DKK3: variants seen among roughly 807,000 people sequenced by gnomAD.
The protein encoded by DKK3 is dickkopf Wnt signaling pathway inhibitor 3.
DKK3 carries 22 observed loss-of-function variants against 33.2 expected under a neutral mutation model. That is an observed-to-expected ratio of 0.66 (90% CI 0.47 to 0.95). The LOEUF (loss-of-function observed/expected upper bound fraction) is 0.95. Among genes scored for constraint, DKK3 ranks in the 40% least tolerant of loss-of-function variants. The probability of loss-of-function intolerance (pLI) is 0.00; values close to 1 mark genes in which losing one functional copy is unlikely to be tolerated. For missense variants in DKK3, 398 were observed against 458.4 expected (o/e 0.87, Z 1.20); for synonymous variants, 194 against 188.8 (o/e 1.03, Z -0.23).
At chr11:11,976,594 G>GGTC (rs1769985148) in intron 3 of DKK3, among the ~76,000 whole-genome samples, 1 of 152,220 alleles carries the variant, frequency 6.6e-6, no homozygotes, top group Non-Finnish European at 1.5e-5. Flanking sequence ...GGTTGGGCTG[G>GGTC]GTCGGGGCCC....
Position 11,963,753 on chromosome 11 carries a change from C to A in DKK3, c.*711G>T, listed in dbSNP as rs1029473168. On this transcript the variant is annotated 3_prime_UTR_variant, in exon 7 of 7. Transcript: ENST00000683431. Reference sequence around the variant, plus strand: ...AGCTTAGAGTCACAACCAGATGAAACTGCTCTGGTCTTCACTAGCTGTGTG... The same window carrying A: ...AGCTTAGAGTCACAACCAGATGAAAATGCTCTGGTCTTCACTAGCTGTGTG... 2 of 152,436 alleles carry A rather than the reference C, an allele frequency of 1.3e-5. No individual in the cohort carries two copies. The highest frequency in any genetic ancestry group is 1.3e-4 in the Admixed American group (2 of 15,272). The allele number at this position is 152,436 out of a possible 1,614,324, so 9.4% of individuals were successfully genotyped here.
intron 3 of DKK3, among the ~76,000 whole-genome samples, chr11:11,991,017 C>G (rs1848176305): frequency 6.6e-6 from 1 of 152,212 alleles, no homozygotes; most frequent in Non-Finnish European, 1.5e-5. Context: ...AACACGGAAA[C>G]AGCATAAGCC....
intron 4 of DKK3, 96 bp from the exon 5 acceptor site, chr11:11,967,194 A>C: frequency 7.0e-7 from 1 of 1,438,844 alleles, no homozygotes; most frequent in South Asian, 1.3e-5. Context: ...GCCAACCTGC[A>C]TCCTCCCATT....
At position 12,008,380 on chromosome 11, in the gene DKK3, G is replaced by A; in HGVS notation, c.203C>T (p.Ala68Val). The A allele has an allele frequency of 3.7e-6, 6 of 1,605,212 alleles. No individual in the cohort carries two copies. Among genetic ancestry groups the A allele is most frequent in the Non-Finnish European group, 5.1e-6 (6 of 1,177,792 alleles). The change falls in exon 1 of 7, where the codon GCG becomes GTG. Residue 68 changes from alanine to valine, a missense_variant. By Grantham distance (64) the Ala-to-Val change is moderately conservative. Coordinates refer to ENST00000683431, the MANE Select transcript of DKK3 (RefSeq NM_001018057.2). This position sits in a 1 kb window ranked among gnomAD's most constrained non-coding sequence, Gnocchi z 4.6. ...MEDTQHKLRS[A>V]VEEMEAEEAA... ...CCAGGGCGCACCCACCTCTTCCACC[G>A]CGCTGCGCAATTTGTGCTGCGTGTC...
At chr11:11,999,645 C>T (rs1293551189) in intron 2 of DKK3, among the ~76,000 whole-genome samples, 1 of 152,088 alleles carries the variant, frequency 6.6e-6, no homozygotes. Context: ...AACAAACAAA[C>T]AAACAAACAG....
chr11:11,991,735 G>A lies in DKK3; in HGVS notation c.435+6961C>T, dbSNP rs547800503. Among the ~76,000 whole-genome samples the A allele has an allele frequency of 4.7e-4, 72 of 152,194 alleles. No individual in the cohort carries two copies. The South Asian group carries it at 7.1e-3, about 15-fold the overall frequency. Reference sequence around the variant, plus strand: ...CACTGGTGCCATGCTCGTACAGCCCGCAGAACGGCAAGCCAAATAAACCTT... The same window carrying A: ...CACTGGTGCCATGCTCGTACAGCCCACAGAACGGCAAGCCAAATAAACCTT... On this transcript the variant is annotated intron_variant, in intron 3 of 6. Coordinates refer to ENST00000683431, the MANE Select transcript of DKK3 (RefSeq NM_001018057.2).
At chr11:12,002,154 T>C (rs1289245849) in intron 2 of DKK3, 146 bp downstream of exon 2, 4 of 893,502 alleles carry the variant, frequency 4.5e-6, no homozygotes, top group Non-Finnish European at 6.4e-6. Flanking sequence ...GTAACATTAC[T>C]CCTTCTGGTT....
At chr11:11,972,871 G>T (rs1847753776) in intron 3 of DKK3, among the ~76,000 whole-genome samples, 1 of 151,416 alleles carries the variant, frequency 6.6e-6, no homozygotes, top group Non-Finnish European at 1.5e-5. Context: ...GGGAAGGCGG[G>T]GGCTCTGGGC....
At chr11:11,973,334 T>C (rs1444566054) in intron 3 of DKK3, among the ~76,000 whole-genome samples, 2 of 152,106 alleles carry the variant, frequency 1.3e-5, no homozygotes, top group East Asian at 1.9e-4. Context: ...TTCTCTCTCC[T>C]CTTCTTCAGT....
intron 3 of DKK3, among the ~76,000 whole-genome samples, chr11:11,991,012 G>A (rs1017030495): frequency 1.3e-5 from 2 of 152,190 alleles, no homozygotes; most frequent in Admixed American, 6.5e-5. Flanking sequence ...TCAGCAACAC[G>A]GAAACAGCAT....
At chr11:11,969,303 G>A (rs1847673853) in intron 3 of DKK3, among the ~76,000 whole-genome samples, 1 of 152,224 alleles carries the variant, frequency 6.6e-6, no homozygotes. Flanking sequence ...TTTACAGCAG[G>A]GGAAGGAGGG....
rs137990241 is a variant in DKK3, at chr11:11,990,696, C to T, written c.435+8000G>A. Among the ~76,000 whole-genome samples, 961 of 152,326 alleles carry T rather than the reference C, an allele frequency of 6.3e-3. 6 individuals are homozygous for T. Among genetic ancestry groups the T allele is most frequent in the Non-Finnish European group, 7.7e-3 (523 of 68,018 alleles). On this transcript the variant is annotated intron_variant, in intron 3 of 6. Transcript: ENST00000683431. ...CCCAGCTTTACTTGCTGCTCCCCCA[C>T]GCACATCTCCAGCTCTGGCATTCTA...
chr11:11,991,913 T>A (rs114355695), intron 3 of DKK3, among the ~76,000 whole-genome samples: 200 of 152,324 alleles, frequency 1.3e-3, no homozygotes, highest in African/African-American at 4.4e-3. Context: ...CCCTGCACCA[T>A]GCCCCCACAA....
At chr11:11,972,411 T>A (rs1419171048) in intron 3 of DKK3, among the ~76,000 whole-genome samples, 4 of 152,228 alleles carry the variant, frequency 2.6e-5, no homozygotes, top group African/African-American at 9.6e-5. Context: ...CATCTAGTCC[T>A]GACTTATCTA....
At chr11:11,967,858 C>T (rs1424358513) in intron 4 of DKK3, among the ~76,000 whole-genome samples, 1 of 152,172 alleles carries the variant, frequency 6.6e-6, no homozygotes, top group Non-Finnish European at 1.5e-5. Flanking sequence ...CCTCTGCCCT[C>T]TCTTATTGGC....
intron 3 of DKK3, among the ~76,000 whole-genome samples, chr11:11,980,476 A>G (rs879510703): frequency 6.6e-6 from 1 of 152,142 alleles, no homozygotes; most frequent in Non-Finnish European, 1.5e-5. Flanking sequence ...CATGGTATAC[A>G]GAGCTCTTAT....
intron 6 of DKK3, 50 bp from the exon 7 acceptor site, chr11:11,964,736 G>C: frequency 4.4e-6 from 7 of 1,576,214 alleles, no homozygotes; most frequent in Non-Finnish European, 6.0e-6. Context: ...AGCCTGCCCA[G>C]GCCGAAAGCT....
intron 1 of DKK3, among the ~76,000 whole-genome samples, chr11:12,005,836 C>T (rs1241357845): frequency 2.0e-5 from 3 of 152,082 alleles, no homozygotes; most frequent in East Asian, 1.9e-4. Context: ...ATACTAATAA[C>T]CACAGTCTAT....
intron 3 of DKK3, among the ~76,000 whole-genome samples, chr11:11,977,155 G>A (rs1221466107): frequency 1.3e-5 from 2 of 152,180 alleles, no homozygotes; most frequent in Non-Finnish European, 2.9e-5. Flanking sequence ...CAGGAAAGAG[G>A]AAAATGCACC....
Sources: allele counts gnomAD v4.1 joint callset (sites outside exome capture counted in the v4.1 genomes callset), GRCh38; gene constraint gnomAD v4.1.1; non-coding constraint Gnocchi (gnomAD v3.1); transcripts MANE v1.5; gene names NCBI Gene and HGNC (gene_info 2026-07-23, HGNC 2026-07-21).